COX7B2: variants seen among roughly 807,000 people sequenced by gnomAD.
COX7B2 encodes the protein cytochrome c oxidase subunit 7B2, also known as cytochrome c oxidase subunit 7B2, mitochondrial.
For synonymous variants in COX7B2, 37 were observed against 32.1 expected, an observed-to-expected ratio of 1.15 and a Z score of -0.51; for missense variants, 109 against 95.9, an observed-to-expected ratio of 1.14 and a Z score of -0.57.
intron 2 of COX7B2, among the ~76,000 whole-genome samples, chr4:46,803,131 G>C (rs1415324852): frequency 6.6e-6 from 1 of 152,006 alleles, no homozygotes; most frequent in African/African-American, 2.4e-5. Flanking sequence ...TTAAAATCAG[G>C]GAATTGCCCA....
intron 2 of COX7B2, among the ~76,000 whole-genome samples, chr4:46,758,137 T>G (rs1715908793): frequency 6.6e-6 from 1 of 152,194 alleles, no homozygotes; most frequent in Non-Finnish European, 1.5e-5. Flanking sequence ...TACTTTATGG[T>G]AATTTCATAA....
At chr4:46,893,176 T>G (rs1490079712) in intron 1 of COX7B2, among the ~76,000 whole-genome samples, 2 of 152,178 alleles carry the variant, frequency 1.3e-5, no homozygotes, top group Non-Finnish European at 2.9e-5. Context: ...TAAACAGGTT[T>G]CTTAGGTGTA....
intron 2 of COX7B2, among the ~76,000 whole-genome samples, chr4:46,748,430 T>A (rs568336994): frequency 1.2e-4 from 18 of 152,238 alleles, no homozygotes; most frequent in African/African-American, 3.6e-4. Flanking sequence ...GTACACAGCA[T>A]GAGAATATTA....
chr4:46,762,363 T>C (rs985143749), intron 2 of COX7B2, among the ~76,000 whole-genome samples: 1 of 117,574 alleles, frequency 8.5e-6, no homozygotes, highest in African/African-American at 3.0e-5. Context: ...ACTATACATG[T>C]ATATATACAC....
At chr4:46,764,363 G>A (rs1716398218) in intron 2 of COX7B2, among the ~76,000 whole-genome samples, 1 of 151,626 alleles carries the variant, frequency 6.6e-6, no homozygotes, top group Non-Finnish European at 1.5e-5. Context: ...TGACCAACAT[G>A]GCGAAACCTC....
chr4:46,735,222 T>A lies in COX7B2; in HGVS notation c.-30A>T. 6.2e-7 allele frequency: 1 copy of A among 1,610,832 alleles called. No homozygotes were observed. On this transcript the variant is annotated 5_prime_UTR_variant, in exon 3 of 3. Transcript: ENST00000355591. ...GATTGCAGTTGCCTTCAGCTACTGG[T>A]CTATTTTGTTGCAAAGAGGCTGGAA...
At chr4:46,889,779 G>A (rs144413823) in intron 1 of COX7B2, among the ~76,000 whole-genome samples, 377 of 152,052 alleles carry the variant, frequency 2.5e-3, no homozygotes, top group African/African-American at 8.5e-3. Context: ...AATATTCTTG[G>A]TTCACTACAA....
chr4:46,818,976 A>T (rs1317243055), intron 2 of COX7B2, among the ~76,000 whole-genome samples: 2 of 152,230 alleles, frequency 1.3e-5, no homozygotes, highest in Non-Finnish European at 2.9e-5. Flanking sequence ...TGCTTTATAC[A>T]GTAGGGTGCT....
chr4:46,773,879 A>G (rs1352235988), intron 2 of COX7B2, among the ~76,000 whole-genome samples: 2 of 152,152 alleles, frequency 1.3e-5, no homozygotes, highest in Non-Finnish European at 2.9e-5. Flanking sequence ...TAGCCAAACA[A>G]TGACTAAACT....
chr4:46,770,170 C>G (rs939131898), intron 2 of COX7B2, among the ~76,000 whole-genome samples: 57 of 152,112 alleles, frequency 3.7e-4, no homozygotes, highest in African/African-American at 1.4e-3. Context: ...AATCAACCTG[C>G]AAAAATCAGT....
chr4:46,791,594 T>G (rs1462500916), intron 2 of COX7B2, among the ~76,000 whole-genome samples: 2 of 152,200 alleles, frequency 1.3e-5, no homozygotes, highest in Non-Finnish European at 2.9e-5. Flanking sequence ...AATTCTAAAG[T>G]GTTGGGCAGC....
chr4:46,813,649 C>T (rs1216422562), intron 2 of COX7B2, among the ~76,000 whole-genome samples: 1 of 152,104 alleles, frequency 6.6e-6, no homozygotes, highest in South Asian at 2.1e-4. Flanking sequence ...GTGCAGCAAA[C>T]CACCATGGCA....
chr4:46,769,022 T>C (rs1716715770), intron 2 of COX7B2, among the ~76,000 whole-genome samples: 1 of 152,038 alleles, frequency 6.6e-6, no homozygotes, highest in African/African-American at 2.4e-5. Context: ...ACAGAAAATC[T>C]GAATGGACCC....
intron 2 of COX7B2, among the ~76,000 whole-genome samples, chr4:46,792,516 C>G (rs1159717918): frequency 6.6e-6 from 1 of 152,192 alleles, no homozygotes; most frequent in East Asian, 1.9e-4. Flanking sequence ...CCCTGACACT[C>G]AGACTGAGAT....
intron 1 of COX7B2, among the ~76,000 whole-genome samples, chr4:46,864,547 C>T (rs1044414765): frequency 6.6e-6 from 1 of 152,042 alleles, no homozygotes; most frequent in African/African-American, 2.4e-5. Flanking sequence ...TTAATCATTG[C>T]GTTCTTGGTC....
chr4:46,878,994 T>C (rs1344346562), intron 1 of COX7B2, among the ~76,000 whole-genome samples: 2 of 152,226 alleles, frequency 1.3e-5, no homozygotes, highest in African/African-American at 2.4e-5. Flanking sequence ...AAGATGATTG[T>C]AGGTAAACAA....
At chr4:46,761,928 T>C (rs1716170135) in intron 2 of COX7B2, among the ~76,000 whole-genome samples, 1 of 151,802 alleles carries the variant, frequency 6.6e-6, no homozygotes, top group African/African-American at 2.4e-5. Flanking sequence ...TACTGTCTTT[T>C]TTTTTTTAAA....
chr4:46,850,241 A>T (rs899290095), intron 1 of COX7B2, among the ~76,000 whole-genome samples: 2 of 149,492 alleles, frequency 1.3e-5, no homozygotes, highest in South Asian at 2.1e-4. Flanking sequence ...AAAATGATTT[A>T]AAATAATTTA....
intron 2 of COX7B2, among the ~76,000 whole-genome samples, chr4:46,814,710 A>G (rs960307690): frequency 2.0e-5 from 3 of 152,342 alleles, no homozygotes; most frequent in African/African-American, 7.2e-5. Context: ...ATCACTTTTT[A>G]CGTCAATGTA....
Sources: allele counts gnomAD v4.1 joint callset (sites outside exome capture counted in the v4.1 genomes callset), GRCh38; gene constraint gnomAD v4.1.1; transcripts MANE v1.5; gene names NCBI Gene and HGNC (gene_info 2026-07-23, HGNC 2026-07-21).